The following TET1 variants were observed in gnomAD, a reference collection of about 807,000 sequenced individuals.
TET1 encodes methylcytosine dioxygenase TET1.
A neutral mutation model predicts 148.7 loss-of-function variants in TET1; 13 were observed. The ratio of observed to expected loss-of-function variants is 0.09; its 90% CI spans 0.06 to 0.14. The LOEUF (loss-of-function observed/expected upper bound fraction) is 0.14, where lower values mean the gene tolerates loss of function less well. Ranked by LOEUF, TET1 falls within the 10% of genes least tolerant of loss-of-function variation. The probability of loss-of-function intolerance (pLI) is 1.00; values close to 1 mark genes in which losing one functional copy is unlikely to be tolerated. For missense variants in TET1, 2,182 were observed against 2,553.8 expected (o/e 0.85, Z 3.14); for synonymous variants, 907 against 937.2 (o/e 0.97, Z 0.59).
chr10:68,640,773 T>C (rs574173149), intron 3 of TET1, among the ~76,000 whole-genome samples: 15 of 151,060 alleles, frequency 9.9e-5, no homozygotes, highest in African/African-American at 3.4e-4. Context: ...GGATGGTCTC[T>C]ATCTCCTGAC....
intron 2 of TET1, among the ~76,000 whole-genome samples, chr10:68,595,967 C>T (rs866647231): frequency 0.049 from 1,778 of 36,096 alleles, 28 homozygotes; most frequent in Middle Eastern, 0.093. Context: ...TATATACACA[C>T]ACACACACAC....
chr10:68,625,508 G>A (rs1478474069), intron 3 of TET1, among the ~76,000 whole-genome samples: 1 of 152,042 alleles, frequency 6.6e-6, no homozygotes, highest in Non-Finnish European at 1.5e-5. Flanking sequence ...GTTCCACAGA[G>A]GTGTAGATTA....
Position 68,574,174 on chromosome 10 carries a change from A to C in TET1, c.1836A>C (p.Arg612Ser). ...NCGECTYCKNRKNSHQICKKR... is the reference protein window; with the variant it reads ...NCGECTYCKNSKNSHQICKKR... Reference sequence around the variant, plus strand: ...GTGAATGCACTTACTGCAAGAACAGAAAGAACAGCCATCAGATCTGTAAGA... The same window carrying C: ...GTGAATGCACTTACTGCAAGAACAGCAAGAACAGCCATCAGATCTGTAAGA... The change falls in exon 2 of 12, where the codon AGA (arginine) becomes AGC (serine). Residue 612 changes from arginine (R) to serine (S), a missense_variant. Around this residue, in one of 11 missense-constraint regions of TET1, gnomAD observed 226 missense variants for 307.4 expected, o/e 0.74. Coordinates refer to ENST00000373644, the MANE Select transcript of TET1 (RefSeq NM_030625.3). 9.9e-6 allele frequency: 16 copies of C among 1,613,866 alleles called. No individual in the cohort carries two copies. The highest frequency in any genetic ancestry group is 1.4e-5 in the Non-Finnish European group (16 of 1,180,042).
intron 3 of TET1, among the ~76,000 whole-genome samples, chr10:68,608,023 GGTTCAAGCA>G (rs2054150495): frequency 6.6e-6 from 1 of 151,502 alleles, no homozygotes; most frequent in African/African-American, 2.4e-5. Context: ...CCATCTCCCG[GGTTCAAGCA>G]GTTCTCCTGC....
At chr10:68,690,684 A>G in intron 11 of TET1, 124 bp from the exon 12 acceptor site, 1 of 911,452 alleles carries the variant, frequency 1.1e-6, no homozygotes, top group Non-Finnish European at 1.6e-6. Flanking sequence ...GAACAAAACC[A>G]ACCAACACAA....
chr10:68,574,263 A>G lies in TET1; in HGVS notation c.1914+11A>G. 1 of 1,605,898 alleles carries G rather than the reference A, an allele frequency of 6.2e-7. No individual in the cohort carries two copies. Among genetic ancestry groups the G allele is most frequent in the Non-Finnish European group, 8.5e-7 (1 of 1,177,012 alleles). ...GTTGTGCCTCTGGAGGTAAGCAAAC[A>G]GTCAAGGGGCTGGGAGACAGCTGAC... On this transcript the variant is annotated intron_variant, in intron 2 of 11. Coordinates refer to ENST00000373644, the MANE Select transcript of TET1 (RefSeq NM_030625.3).
At chr10:68,596,809 TATC>T (rs1347208081) in intron 2 of TET1, among the ~76,000 whole-genome samples, 1 of 152,148 alleles carries the variant, frequency 6.6e-6, no homozygotes, top group Non-Finnish European at 1.5e-5. Context: ...CTTTATTTAT[TATC>T]CAATTTTACA....
At chr10:68,568,177 C>A (rs1456060188) in intron 1 of TET1, among the ~76,000 whole-genome samples, 1 of 151,580 alleles carries the variant, frequency 6.6e-6, no homozygotes, top group South Asian at 2.1e-4. Flanking sequence ...TGCACTGCGC[C>A]CAGCCTTTGG....
At chr10:68,615,799 G>A (rs926523288) in intron 3 of TET1, among the ~76,000 whole-genome samples, 2 of 151,714 alleles carry the variant, frequency 1.3e-5, no homozygotes, top group Non-Finnish European at 2.9e-5. Context: ...GTGCCACTAC[G>A]CCTACGCCCG....
Position 68,603,009 on chromosome 10 carries a change from A to AT in TET1, c.1968+1976dup, listed in dbSNP as rs551263670. Among the ~76,000 whole-genome samples, 595 of 152,344 alleles carry AT rather than the reference A, an allele frequency of 3.9e-3. 2 individuals carry two copies. Among genetic ancestry groups the AT allele is most frequent in the African/African-American group, 0.014 (577 of 41,588 alleles). The stretch of plus-strand genomic sequence containing the variant: ...AATATTATATAATCCTATAGAAGAC[A>AT]TAAAAAAAATGAAACCTGTGTTTGG... On this transcript the variant is annotated intron_variant, in intron 3 of 11. Transcript: ENST00000373644.
At chr10:68,662,783 G>C (rs2055140971) in intron 6 of TET1, among the ~76,000 whole-genome samples, 1 of 152,148 alleles carries the variant, frequency 6.6e-6, no homozygotes, top group African/African-American at 2.4e-5. Context: ...AGCACCTGTA[G>C]TTCTAGCTAC....
intron 3 of TET1, among the ~76,000 whole-genome samples, chr10:68,631,695 A>G (rs1328794095): frequency 1.3e-5 from 2 of 152,144 alleles, no homozygotes; most frequent in African/African-American, 4.8e-5. Flanking sequence ...AGGAATGTGT[A>G]AACACGTCTG....
chr10:68,662,475 G>A (rs957679208), intron 6 of TET1, among the ~76,000 whole-genome samples: 27 of 147,348 alleles, frequency 1.8e-4, no homozygotes, highest in South Asian at 1.5e-3. Flanking sequence ...TAAATTTTAC[G>A]TATTATTAAT....
At chr10:68,566,012 A>C (rs931006451) in intron 1 of TET1, among the ~76,000 whole-genome samples, 3 of 152,138 alleles carry the variant, frequency 2.0e-5, no homozygotes, top group Non-Finnish European at 2.9e-5. Flanking sequence ...GCTGTTTTTT[A>C]GGAGATAGGG....
intron 2 of TET1, among the ~76,000 whole-genome samples, chr10:68,579,925 CCTT>C (rs747432872): frequency 5.2e-4 from 79 of 151,754 alleles, no homozygotes; most frequent in African/African-American, 1.6e-3. Context: ...CTCACACCTT[CCTT>C]CTTCTTTTTT....
chr10:68,662,548 T>C (rs2055137091), intron 6 of TET1, among the ~76,000 whole-genome samples: 1 of 152,186 alleles, frequency 6.6e-6, no homozygotes, highest in Non-Finnish European at 1.5e-5. Context: ...TATTATACTT[T>C]TGTAAATATG....
chr10:68,661,806 CT>C (rs2055119613), intron 6 of TET1, among the ~76,000 whole-genome samples: 4 of 137,860 alleles, frequency 2.9e-5, no homozygotes. Flanking sequence ...CTTTTCTTTT[CT>C]TTGTTAAAAA....
At chr10:68,617,246 G>C (rs1055218672) in intron 3 of TET1, among the ~76,000 whole-genome samples, 2 of 133,230 alleles carry the variant, frequency 1.5e-5, no homozygotes, top group Admixed American at 7.6e-5. Context: ...GTATGGTCTC[G>C]ATCTCCTGAC....
At chr10:68,566,858 C>CTT (rs113654164) in intron 1 of TET1, among the ~76,000 whole-genome samples, 8 of 140,766 alleles carry the variant, frequency 5.7e-5, no homozygotes, top group South Asian at 2.3e-4. Flanking sequence ...TGCAAACAGG[C>CTT]TTTTTTTTTT....
Sources: allele counts gnomAD v4.1 joint callset (sites outside exome capture counted in the v4.1 genomes callset), GRCh38; gene constraint gnomAD v4.1.1; regional missense constraint gnomAD v4.1.1; transcripts MANE v1.5; gene names NCBI Gene and HGNC (gene_info 2026-07-23, HGNC 2026-07-21).